NBPF3: variants seen among roughly 807,000 people sequenced by gnomAD.
The protein encoded by NBPF3 is NBPF member 3.
In NBPF3, 57 loss-of-function variants were observed where a neutral mutation model predicts 78.1. The observed-to-expected ratio is 0.73, with a 90% CI of 0.59 to 0.91. NBPF3 has a LOEUF of 0.91. NBPF3 is among the 40% of genes least tolerant of loss of function. NBPF3 has a pLI of 0.00. For missense variants in NBPF3, 510 were observed against 715.3 expected (o/e 0.71, Z 3.27); for synonymous variants, 182 against 271.7 (o/e 0.67, Z 3.25).
rs1287339697 is a variant in NBPF3, at chr1:21,445,236, A to G, written c.133+17A>G. 2.5e-6 allele frequency: 4 copies of G among 1,610,152 alleles called. No individual in the cohort carries two copies. In the East Asian group the frequency reaches 8.9e-5, roughly 36 times the overall value. Reference sequence around the variant, plus strand: ...ATCCAACAGGTAAAAATCCCGAGGCATTGCCAGCTCGGTGGGGTCAGAGAG... The same window carrying G: ...ATCCAACAGGTAAAAATCCCGAGGCGTTGCCAGCTCGGTGGGGTCAGAGAG... On this transcript the variant is annotated intron_variant, in intron 2 of 14. Coordinates refer to ENST00000318249, the MANE Select transcript of NBPF3 (RefSeq NM_032264.6).
intron 2 of NBPF3, among the ~76,000 whole-genome samples, chr1:21,458,465 C>T (rs528557732): frequency 3.3e-5 from 5 of 151,520 alleles, no homozygotes; most frequent in Admixed American, 6.6e-5. Context: ...TGGCCTGCCA[C>T]GTATGGATGC....
At chr1:21,479,816 C>G (rs1321271428) in intron 10 of NBPF3, among the ~76,000 whole-genome samples, 131 of 45,706 alleles carry the variant, frequency 2.9e-3, no homozygotes, top group South Asian at 9.2e-3. Context: ...CTCTCTCTCT[C>G]TCTCTGTGTG....
rs183899254 is a variant in NBPF3 at position 21,445,843 on chromosome 1, C to G, written c.133+624C>G. On this transcript the variant is annotated intron_variant, in intron 2 of 14. Coordinates refer to ENST00000318249, the MANE Select transcript of NBPF3 (RefSeq NM_032264.6). ...AGTGGAATTCTTGGTTTCCCAGGAC[C>G]TTGTGGTGGACACCTTCTTTCACTG... Among the ~76,000 whole-genome samples the G allele has an allele frequency of 1.3e-4, 20 of 152,280 alleles. No homozygotes were observed. The East Asian group carries it at 2.1e-3, about 16-fold the overall frequency.
At position 21,441,725 on chromosome 1, in the gene NBPF3, AGTAATG is replaced by A. The variant is rs1640664437; in HGVS notation, c.-140+1378_-140+1383del. Among the ~76,000 whole-genome samples, 4 of 150,852 alleles carry A rather than the reference AGTAATG, an allele frequency of 2.7e-5. 1 individual carries two copies. The highest frequency in any genetic ancestry group is 5.9e-5 in the Non-Finnish European group (4 of 67,648). On this transcript the variant is annotated intron_variant, in intron 1 of 14. Transcript: ENST00000318249. The stretch of plus-strand genomic sequence containing the variant: ...CTATCTCAAAAAAAAAAAAAAAAAA[AGTAATG>A]AATTTTGACCAAGTGAACCACCACA...
Position 21,473,361 on chromosome 1 carries a change from A to G in NBPF3, c.735-19A>G, listed in dbSNP as rs754242484. The G allele has an allele frequency of 1.9e-5, 31 of 1,611,762 alleles. No individual in the cohort carries two copies. The highest frequency in any genetic ancestry group is 2.5e-5 in the Non-Finnish European group (29 of 1,178,030). ...CTGTGTTTAGTCTTCTGTCATCTCT[A>G]TCCCACCTGGCTCATCAGGGAGGTG... On this transcript the variant is annotated intron_variant, in intron 6 of 14. Transcript: ENST00000318249.
intron 2 of NBPF3, chr1:21,467,169 G>A (rs1357268564): frequency 1.6e-5 from 16 of 985,284 alleles, no homozygotes; most frequent in African/African-American, 3.5e-5. Context: ...GTCTTAAAGC[G>A]GTTTCCTTAC....
chr1:21,477,687 G>C (rs527597367), intron 8 of NBPF3, among the ~76,000 whole-genome samples: 1 of 152,198 alleles, frequency 6.6e-6, no homozygotes, highest in Admixed American at 6.5e-5. Context: ...TAGTATTTGT[G>C]TAAGCAAAGA....
intron 1 of NBPF3, chr1:21,442,482 T>C (rs2147888419): frequency 6.6e-6 from 1 of 152,282 alleles, no homozygotes; most frequent in African/African-American, 2.4e-5. Context: ...TCCCAAAGGA[T>C]TGGGATTACA....
chr1:21,470,762 G>A (rs564540602), intron 4 of NBPF3, 28 bp downstream of exon 4: 3 of 1,471,254 alleles, frequency 2.0e-6, no homozygotes, highest in South Asian at 2.3e-5. Context: ...GGTCAGGCAG[G>A]TGGGCAGGTG....
At chr1:21,479,440 C>A in intron 10 of NBPF3, 40 bp downstream of exon 10, 8 of 1,575,072 alleles carry the variant, frequency 5.1e-6, no homozygotes, top group Non-Finnish European at 6.9e-6. Flanking sequence ...TTGATGTTGA[C>A]ACCTGGAGAT....
chr1:21,474,990 G>A, intron 8 of NBPF3, 39 bp downstream of exon 8: 1 of 1,556,360 alleles, frequency 6.4e-7, no homozygotes, highest in Non-Finnish European at 8.8e-7. Context: ...TTCAATAGTG[G>A]CAGCTGGAGT....
intron 1 of NBPF3, among the ~76,000 whole-genome samples, chr1:21,440,640 C>T (rs570143369): frequency 2.6e-5 from 4 of 152,288 alleles, no homozygotes; most frequent in Admixed American, 6.5e-5. Flanking sequence ...GGCACGTCCT[C>T]CTATATCCTG....
At position 21,473,545 on chromosome 1, in the gene NBPF3, C is replaced by A; in HGVS notation, c.900C>A (p.Ser300=). 1.2e-6 allele frequency: 2 copies of A among 1,614,216 alleles called. No homozygotes were observed. Among genetic ancestry groups the A allele is most frequent in the Non-Finnish European group, 1.7e-6 (2 of 1,180,032 alleles). Residue 300 remains serine, a synonymous_variant, in exon 7 of 15, where the codon TCC becomes TCA. Transcript: ENST00000318249. ...DQVDSTLIDS[S]SHDEWLDAVC... ...TCGACTCAACTCTCATTGACTCATC[C>A]TCTCATGATGAATGGTTGGATGCTG...
At chr1:21,475,657 C>T (rs1464784156) in intron 8 of NBPF3, among the ~76,000 whole-genome samples, 3 of 152,094 alleles carry the variant, frequency 2.0e-5, no homozygotes, top group Non-Finnish European at 4.4e-5. Flanking sequence ...TTTACATTTG[C>T]TGAGGAGTGC....
rs1378006456 is a variant in NBPF3 at position 21,468,859 on chromosome 1, A to C, written c.305A>C (p.Gln102Pro). Residue 102 changes from glutamine (Q) to proline (P), a missense_variant, in exon 3 of 15, where the codon CAA (glutamine) becomes CCA (proline). Coordinates refer to ENST00000318249, the MANE Select transcript of NBPF3 (RefSeq NM_032264.6). ...RNLKQKCLVT[Q>P]VAYFLANRQN... ...CTCAAACAGAAATGTCTTGTAACTCAAGTGGCCTACTTCCTGGCCAACCGG... is the reference window on the plus strand; with the variant it reads ...CTCAAACAGAAATGTCTTGTAACTCCAGTGGCCTACTTCCTGGCCAACCGG... The C allele has an allele frequency of 1.2e-6, 2 of 1,614,216 alleles. No homozygotes were observed. The highest frequency in any genetic ancestry group is 1.7e-6 in the Non-Finnish European group (2 of 1,180,034).
At chr1:21,453,471 C>A (rs1047962140) in intron 2 of NBPF3, 1 of 152,298 alleles carries the variant, frequency 6.6e-6, no homozygotes, top group African/African-American at 2.4e-5. Context: ...TCCTGTGGCA[C>A]CCATCCTCTG....
upstream of NBPF3, among the ~76,000 whole-genome samples, chr1:21,439,545 G>T (rs1422161164): frequency 9.2e-5 from 14 of 152,028 alleles, no homozygotes; most frequent in Non-Finnish European, 2.1e-4. Flanking sequence ...TCCCTGGAAG[G>T]ATTCACAGGA....
rs1377508995 is a variant in NBPF3, at chr1:21,482,229, G to A, written c.1607-255G>A. Among the ~76,000 whole-genome samples, 126 of 148,320 alleles carry A rather than the reference G, an allele frequency of 8.5e-4. 1 individual carries two copies. Among genetic ancestry groups the A allele is most frequent in the Non-Finnish European group, 1.1e-3 (75 of 67,234 alleles). On this transcript the variant is annotated intron_variant, in intron 13 of 14. Coordinates refer to ENST00000318249, the MANE Select transcript of NBPF3 (RefSeq NM_032264.6). ...TTGATTGGAAAGATATGGCATAACC[G>A]TTTGCACAAACTTGGGACAAATGAT...
chr1:21,443,070 T>A (rs1432725636), intron 1 of NBPF3, among the ~76,000 whole-genome samples: 2 of 152,216 alleles, frequency 1.3e-5, no homozygotes, highest in Non-Finnish European at 2.9e-5. Context: ...ATAAATCGAT[T>A]GACTGTATGG....
Sources: allele counts gnomAD v4.1 joint callset (sites outside exome capture counted in the v4.1 genomes callset), GRCh38; gene constraint gnomAD v4.1.1; transcripts MANE v1.5; gene names NCBI Gene and HGNC (gene_info 2026-07-23, HGNC 2026-07-21).